The following ARID3A variants were observed in gnomAD, a reference collection of about 807,000 sequenced individuals.
ARID3A encodes AT-rich interactive domain-containing protein 3A.
ARID3A carries 11 observed loss-of-function variants against 52.7 expected under a neutral mutation model. That is an observed-to-expected ratio of 0.21 (90% CI 0.13 to 0.35). The LOEUF (loss-of-function observed/expected upper bound fraction) is 0.35, where lower values mean the gene tolerates loss of function less well. Among genes scored for constraint, ARID3A ranks in the 10% least tolerant of loss-of-function variants. ARID3A has a pLI of 1.00. For synonymous variants in ARID3A, 404 were observed against 359.4 expected, an observed-to-expected ratio of 1.12 and a Z score of -1.40; for missense variants, 721 against 838.5, an observed-to-expected ratio of 0.86 and a Z score of 1.73.
rs765638846 is a variant in ARID3A, at chr19:929,629, C to G, written c.101C>G (p.Ala34Gly). The change falls in exon 2 of 9, where the codon GCA becomes GGA. Residue 34 changes from alanine to glycine, a missense_variant. Physicochemically the swap from Ala to Gly is moderately conservative, Grantham distance 60 (BLOSUM62 0). This residue lies in a region of ARID3A where 349 missense variants were observed against 297.3 expected (regional missense o/e 1.17). Coordinates refer to ENST00000263620, the MANE Select transcript of ARID3A (RefSeq NM_005224.3). This position sits in a 1 kb window ranked among gnomAD's most constrained non-coding sequence, Gnocchi z 6.2. ...RQQLPPDPPA[A>G]PPGRARAAPD... The stretch of plus-strand genomic sequence containing the variant: ...CAGCTGCCCCCCGATCCCCCTGCTG[C>G]ACCCCCCGGCCGGGCCCGGGCTGCC... The G allele has an allele frequency of 3.9e-6, 6 of 1,526,834 alleles. No individual in the cohort carries two copies. In the South Asian group the frequency reaches 7.2e-5, roughly 18 times the overall value. The allele number at this position is 1,526,834 out of a possible 1,614,324, so 94.6% of individuals were successfully genotyped here.
chr19:947,733 G>C lies in ARID3A; in HGVS notation c.694-12359G>C, dbSNP rs1246902222. Among the ~76,000 whole-genome samples the C allele has an allele frequency of 1.3e-5, 2 of 152,214 alleles. No homozygotes were observed. Among genetic ancestry groups the C allele is most frequent in the African/African-American group, 4.8e-5 (2 of 41,456 alleles). On this transcript the variant is annotated intron_variant, in intron 3 of 8. Coordinates refer to ENST00000263620, the MANE Select transcript of ARID3A (RefSeq NM_005224.3). This position sits in a 1 kb window ranked among gnomAD's most constrained non-coding sequence, Gnocchi z 6.3. ...GCCGCGCTTCATTGTCATTTCTGGA[G>C]AGTGTTATTAATATCCGCCCCGTGG...
rs1038476207 is a variant in ARID3A, at chr19:944,774, C to T, written c.693+12032C>T. Among the ~76,000 whole-genome samples, 13 of 152,176 alleles carry T rather than the reference C, an allele frequency of 8.5e-5. No homozygotes were observed. Among genetic ancestry groups the T allele is most frequent in the Admixed American group, 3.3e-4 (5 of 15,274 alleles). On this transcript the variant is annotated intron_variant, in intron 3 of 8. Coordinates refer to ENST00000263620, the MANE Select transcript of ARID3A (RefSeq NM_005224.3). This position sits in a 1 kb window ranked among gnomAD's most constrained non-coding sequence, Gnocchi z 5.9. ...CTGAGTAGCTGGGACCACAGACACT[C>T]GCCACCACACCCGGCTAACTTCATT...
At chr19:926,800 G>A (rs2037209536) in intron 1 of ARID3A, among the ~76,000 whole-genome samples, 1 of 151,872 alleles carries the variant, frequency 6.6e-6, no homozygotes, top group Non-Finnish European at 1.5e-5. Flanking sequence ...GGGAGCGCGC[G>A]TTTGTCAACT....
chr19:953,107 C>T (rs987409906), intron 3 of ARID3A, among the ~76,000 whole-genome samples: 1 of 152,000 alleles, frequency 6.6e-6, no homozygotes, highest in African/African-American at 2.4e-5. Flanking sequence ...GGAGGGGAGT[C>T]CTGAGCCGGG....
At chr19:928,080 C>T (rs1452921355) in intron 1 of ARID3A, among the ~76,000 whole-genome samples, 1 of 152,032 alleles carries the variant, frequency 6.6e-6, no homozygotes, top group African/African-American at 2.4e-5. Context: ...GGGTCCCTGC[C>T]TCCTCGTCTC....
In ARID3A at chr19:929,926, G is replaced by T. The variant is rs759475674; in HGVS notation, c.368+30G>T. ...GTTGGGGTCTGGGGCAGGGCCTTCT[G>T]GGGGCTGTTACTGGCTCTGAGTGTC... On this transcript the variant is annotated intron_variant, in intron 2 of 8. Transcript: ENST00000263620. This position sits in a 1 kb window ranked among gnomAD's most constrained non-coding sequence, Gnocchi z 6.2. 5.9e-6 allele frequency: 9 copies of T among 1,536,698 alleles called. 1 individual carries two copies. The South Asian group carries it at 1.1e-4, about 18-fold the overall frequency.
rs967764886 is a variant in ARID3A, at chr19:975,635, A to T, written c.*3570A>T. The T allele has an allele frequency of 9.7e-6, 2 of 205,852 alleles. No individual in the cohort carries two copies. Among genetic ancestry groups the T allele is most frequent in the African/African-American group, 4.6e-5 (2 of 43,516 alleles). 12.8% of individuals were successfully genotyped at this position (205,852 alleles called of 1,614,324 possible). ...TAAAAAAATTTTTAAAAAACATAAAACTACTCTCTACCTCTGGCTGGGCCC... is the reference window on the plus strand; with the variant it reads ...TAAAAAAATTTTTAAAAAACATAAATCTACTCTCTACCTCTGGCTGGGCCC... On this transcript the variant is annotated 3_prime_UTR_variant, in exon 9 of 9. Coordinates refer to ENST00000263620, the MANE Select transcript of ARID3A (RefSeq NM_005224.3).
intron 3 of ARID3A, among the ~76,000 whole-genome samples, chr19:948,571 G>A (rs2037735589): frequency 6.6e-6 from 1 of 152,178 alleles, no homozygotes; most frequent in Non-Finnish European, 1.5e-5. Flanking sequence ...TGCCCCCCGT[G>A]CCCTCCTCCC....
In ARID3A at chr19:968,495, T is replaced by G. The variant is rs1319113851; in HGVS notation, c.1586T>G (p.Met529Arg). 4.3e-6 allele frequency: 7 copies of G among 1,613,712 alleles called. No individual in the cohort carries two copies. The highest frequency in any genetic ancestry group is 5.9e-6 in the Non-Finnish European group (7 of 1,179,920). ...ATGTCGGTGGAGATCAACGGCATCA[T>G]GTACACAGGTAGGACCCCTGAGGCC... ...ISMSVEINGIMYTGVLFAQPP... is the reference protein window; with the variant it reads ...ISMSVEINGIRYTGVLFAQPP... Residue 529 changes from methionine to arginine, a missense_variant, in exon 8 of 9, where the codon ATG becomes AGG. This residue lies in a region of ARID3A where 297 missense variants were observed against 343.2 expected (regional missense o/e 0.87). Transcript: ENST00000263620.
intron 8 of ARID3A, among the ~76,000 whole-genome samples, chr19:970,403 T>C (rs1488605486): frequency 6.6e-6 from 1 of 151,944 alleles, no homozygotes; most frequent in Non-Finnish European, 1.5e-5. Flanking sequence ...TCCCAACACT[T>C]TGGGAGGCTA....
chr19:966,207 C>T (rs1360256884), intron 6 of ARID3A, among the ~76,000 whole-genome samples: 1 of 150,764 alleles, frequency 6.6e-6, no homozygotes, highest in Non-Finnish European at 1.5e-5. Context: ...CGCCTGTAAT[C>T]CCAGCACTTT....
chr19:951,841 A>AG (rs767639801), intron 3 of ARID3A, among the ~76,000 whole-genome samples: 8 of 152,172 alleles, frequency 5.3e-5, no homozygotes, highest in Non-Finnish European at 8.8e-5. Context: ...CGTGCCTTTT[A>AG]GAACATTTCT....
At chr19:954,664 G>T (rs1403322614) in intron 3 of ARID3A, among the ~76,000 whole-genome samples, 1 of 152,074 alleles carries the variant, frequency 6.6e-6, no homozygotes, top group Non-Finnish European at 1.5e-5. Flanking sequence ...GGTAAAGGTG[G>T]GTGGGAGCAG....
chr19:952,716 G>T (rs1352029568), intron 3 of ARID3A, among the ~76,000 whole-genome samples: 3 of 152,180 alleles, frequency 2.0e-5, no homozygotes, highest in Non-Finnish European at 4.4e-5. Context: ...CCCCAGGTGG[G>T]GCCTCATGGA....
At position 932,754 on chromosome 19, in the gene ARID3A, C is replaced by T. The variant is rs575158697; in HGVS notation, c.693+12C>T. 8.0e-5 allele frequency: 123 copies of T among 1,546,424 alleles called. No homozygotes were observed. Among genetic ancestry groups the T allele is most frequent in the Non-Finnish European group, 9.0e-5 (103 of 1,146,240 alleles). ...AGCAGTTTAAGCAGGTGAGTGGGCGCGTCCCGCGTGGCGGCTGAGGCACCT... is the reference window on the plus strand; with the variant it reads ...AGCAGTTTAAGCAGGTGAGTGGGCGTGTCCCGCGTGGCGGCTGAGGCACCT... On this transcript the variant is annotated intron_variant, in intron 3 of 8. Transcript: ENST00000263620.
chr19:928,383 T>G (rs1337103236), intron 1 of ARID3A: 2 of 152,048 alleles, frequency 1.3e-5, no homozygotes, highest in Admixed American at 6.6e-5. Flanking sequence ...CCATTAGGAC[T>G]GGCCCTGGGT....
At chr19:935,130 C>T (rs996887217) in intron 3 of ARID3A, among the ~76,000 whole-genome samples, 4 of 152,328 alleles carry the variant, frequency 2.6e-5, no homozygotes, top group South Asian at 2.1e-4. Flanking sequence ...GCTGGCCGGC[C>T]GCTTGGCACC....
rs1308912633 is a variant in ARID3A at position 944,317 on chromosome 19, G to A, written c.693+11575G>A. ...CCCGTGTGTCTGGCTGCAGGGGCGC[G>A]TCCAGGGGGTGTGTGTGTGTGTGTG... On this transcript the variant is annotated intron_variant, in intron 3 of 8. Transcript: ENST00000263620. This position sits in a 1 kb window ranked among gnomAD's most constrained non-coding sequence, Gnocchi z 5.9. 1.3e-5 allele frequency among the ~76,000 whole-genome samples: 2 copies of A among 149,974 alleles called. No homozygotes were observed. The highest frequency in any genetic ancestry group is 5.0e-5 in the African/African-American group (2 of 40,268).
At position 960,067 on chromosome 19, in the gene ARID3A, A is replaced by G. The variant is rs1431706054; in HGVS notation, c.694-25A>G. ...CACACCTGAGCTCTGGCACCAACTA[A>G]CCCATCCCCTCTCCACCCTCACAGC... On this transcript the variant is annotated intron_variant, in intron 3 of 8. Transcript: ENST00000263620. The surrounding 1 kb of genome is among the most constrained non-coding windows in gnomAD (Gnocchi z 4.3). The G allele has an allele frequency of 3.1e-6, 5 of 1,603,856 alleles. No individual in the cohort carries two copies. The African/African-American group carries it at 6.7e-5, about 22-fold the overall frequency.
Sources: allele counts gnomAD v4.1 joint callset (sites outside exome capture counted in the v4.1 genomes callset), GRCh38; gene constraint gnomAD v4.1.1; regional missense constraint gnomAD v4.1.1; non-coding constraint Gnocchi (gnomAD v3.1); transcripts MANE v1.5; gene names NCBI Gene and HGNC (gene_info 2026-07-23, HGNC 2026-07-21).